The following JAZF1 variants were observed in gnomAD, a reference collection of about 807,000 sequenced individuals.
JAZF1 encodes the protein juxtaposed with another zinc finger protein 1.
JAZF1 carries 8 observed loss-of-function variants against 26.4 expected under a neutral mutation model. That is an observed-to-expected ratio of 0.30 (90% CI 0.18 to 0.55). The LOEUF is 0.55. Ranked by LOEUF, JAZF1 falls within the 20% of genes least tolerant of loss-of-function variation. The probability of loss-of-function intolerance (pLI) is 0.94; values close to 1 mark genes in which losing one functional copy is unlikely to be tolerated. For synonymous variants in JAZF1, 126 were observed against 122.3 expected (o/e 1.03, Z -0.20); for missense variants, 199 against 322.0 (o/e 0.62, Z 2.92).
intron 1 of JAZF1, among the ~76,000 whole-genome samples, chr7:28,008,723 G>A (rs1000803024): frequency 6.6e-6 from 1 of 152,216 alleles, no homozygotes; most frequent in African/African-American, 2.4e-5. Flanking sequence ...CTCAGATTAT[G>A]ATTTTTCTCT....
intron 2 of JAZF1, among the ~76,000 whole-genome samples, chr7:27,928,923 A>G (rs1210736850): frequency 6.6e-6 from 1 of 152,214 alleles, no homozygotes; most frequent in Non-Finnish European, 1.5e-5. Context: ...GCATATGTAC[A>G]TATGAAAATA....
At chr7:27,876,390 G>T (rs1160544085) in intron 3 of JAZF1, among the ~76,000 whole-genome samples, 1 of 152,094 alleles carries the variant, frequency 6.6e-6, no homozygotes, top group Non-Finnish European at 1.5e-5. Context: ...TGACTCTTGG[G>T]AGAGCATCTG....
intron 1 of JAZF1, among the ~76,000 whole-genome samples, chr7:28,011,330 G>A (rs778775580): frequency 6.6e-6 from 1 of 152,138 alleles, no homozygotes; most frequent in Non-Finnish European, 1.5e-5. Flanking sequence ...TGAAGTCTAG[G>A]TTTAAACTTT....
At chr7:27,849,951 T>C (rs2128333864) in intron 3 of JAZF1, among the ~76,000 whole-genome samples, 1 of 152,268 alleles carries the variant, frequency 6.6e-6, no homozygotes, top group South Asian at 2.1e-4. Context: ...CCCGTGGAGA[T>C]GGCCCAATTC....
chr7:27,850,183 C>T (rs1282523820), intron 3 of JAZF1, among the ~76,000 whole-genome samples: 3 of 152,144 alleles, frequency 2.0e-5, no homozygotes, highest in African/African-American at 7.2e-5. Context: ...TGCCTTTCTG[C>T]CTTATAGATT....
chr7:27,906,480 G>C (rs1784261111), intron 2 of JAZF1, among the ~76,000 whole-genome samples: 1 of 152,180 alleles, frequency 6.6e-6, no homozygotes, highest in Non-Finnish European at 1.5e-5. Context: ...GTCTTTGTAT[G>C]TTCCCAACAA....
chr7:27,963,657 C>T (rs1785223812), intron 2 of JAZF1, among the ~76,000 whole-genome samples: 1 of 146,552 alleles, frequency 6.8e-6, no homozygotes, highest in Non-Finnish European at 1.5e-5. Flanking sequence ...GATCTCCTGG[C>T]CTCAAGTGAT....
chr7:27,987,131 A>T (rs1785735313), intron 2 of JAZF1, among the ~76,000 whole-genome samples: 1 of 140,668 alleles, frequency 7.1e-6, no homozygotes, highest in African/African-American at 2.7e-5. Flanking sequence ...CTGGGATGTG[A>T]GGAGCCCCTC....
chr7:27,927,653 T>C, intron 2 of JAZF1, among the ~76,000 whole-genome samples: 1 of 152,162 alleles, frequency 6.6e-6, no homozygotes, highest in East Asian at 1.9e-4. Flanking sequence ...ATCATCAAGC[T>C]ATATTTCTCA....
At chr7:27,989,093 G>A (rs553601836) in intron 2 of JAZF1, among the ~76,000 whole-genome samples, 21 of 152,042 alleles carry the variant, frequency 1.4e-4, no homozygotes, top group Admixed American at 1.2e-3. Flanking sequence ...AAACAGAGAT[G>A]TAGACCAAAG....
At chr7:28,083,494 G>A (rs1784168630) in intron 1 of JAZF1, among the ~76,000 whole-genome samples, 1 of 152,270 alleles carries the variant, frequency 6.6e-6, no homozygotes, top group African/African-American at 2.4e-5. Context: ...TGTGAACTCA[G>A]AAAATGTATG....
intron 2 of JAZF1, among the ~76,000 whole-genome samples, chr7:27,901,051 T>A (rs1784154538): frequency 6.6e-6 from 1 of 151,998 alleles, no homozygotes; most frequent in Non-Finnish European, 1.5e-5. Context: ...CCTTCTAACA[T>A]TTTTCTACAC....
intron 1 of JAZF1, among the ~76,000 whole-genome samples, chr7:28,046,551 G>A (rs1016977781): frequency 6.6e-6 from 1 of 152,126 alleles, no homozygotes; most frequent in Non-Finnish European, 1.5e-5. Flanking sequence ...AAATAGTATG[G>A]TTTAAGTTTG....
chr7:27,983,161 AG>A (rs1314329986), intron 2 of JAZF1, among the ~76,000 whole-genome samples: 12 of 152,234 alleles, frequency 7.9e-5, no homozygotes, highest in Admixed American at 3.9e-4. Context: ...GAGCTAAAGG[AG>A]GATGTTCGAA....
intron 2 of JAZF1, among the ~76,000 whole-genome samples, chr7:27,967,862 A>G (rs1785305120): frequency 6.6e-6 from 1 of 152,268 alleles, no homozygotes; most frequent in Non-Finnish European, 1.5e-5. Flanking sequence ...AACCTTGCCA[A>G]CAGGGCAGTA....
At chr7:28,088,492 T>C (rs1784243242) in intron 1 of JAZF1, among the ~76,000 whole-genome samples, 1 of 152,198 alleles carries the variant, frequency 6.6e-6, no homozygotes. Context: ...CACCTTTCCT[T>C]TTCCTAATTA....
chr7:27,872,959 G>T (rs1783611595), intron 3 of JAZF1, among the ~76,000 whole-genome samples: 1 of 152,120 alleles, frequency 6.6e-6, no homozygotes, highest in Non-Finnish European at 1.5e-5. Flanking sequence ...TTTTATATTT[G>T]GGAGTTAAAT....
At chr7:28,068,139 T>C (rs1783915361) in intron 1 of JAZF1, among the ~76,000 whole-genome samples, 1 of 151,716 alleles carries the variant, frequency 6.6e-6, no homozygotes, top group African/African-American at 2.4e-5. Context: ...GGTCTCGAAC[T>C]CCTGACATCA....
intron 2 of JAZF1, among the ~76,000 whole-genome samples, chr7:27,982,487 G>T (rs1583491877): frequency 6.6e-6 from 1 of 152,194 alleles, no homozygotes. Flanking sequence ...CACAGCTCAA[G>T]GAGGTCCGCC....
Sources: allele counts gnomAD v4.1 joint callset (sites outside exome capture counted in the v4.1 genomes callset), GRCh38; gene constraint gnomAD v4.1.1; transcripts MANE v1.5; gene names NCBI Gene and HGNC (gene_info 2026-07-23, HGNC 2026-07-21).